Variants in NBAS observed in about 807,000 individuals in gnomAD.
NBAS encodes the protein NBAS subunit of NRZ tethering complex.
In NBAS, 219 loss-of-function variants were observed where a neutral mutation model predicts 302.5. The observed-to-expected ratio is 0.72, with a 90% CI of 0.65 to 0.81. NBAS has a LOEUF of 0.81. NBAS is among the 30% of genes least tolerant of loss of function. The probability of loss-of-function intolerance (pLI) is 0.00; values close to 1 mark genes in which losing one functional copy is unlikely to be tolerated. For missense variants in NBAS, 2,932 were observed against 2,841.6 expected (o/e 1.03, Z -0.72); for synonymous variants, 1,118 against 1,021.6 (o/e 1.09, Z -1.80).
intron 38 of NBAS, among the ~76,000 whole-genome samples, chr2:15,317,978 A>G (rs1157407590): frequency 6.6e-6 from 1 of 152,222 alleles, no homozygotes; most frequent in African/African-American, 2.4e-5. Flanking sequence ...AAAGGAAAAA[A>G]TGTTAAGGGC....
At chr2:15,248,080 G>T (rs562716543) in intron 44 of NBAS, among the ~76,000 whole-genome samples, 36 of 152,134 alleles carry the variant, frequency 2.4e-4, no homozygotes, top group Non-Finnish European at 3.2e-4. Context: ...AAATGCAAAA[G>T]AATGGAAATC....
chr2:14,809,313 A>G, the NBAS span, among the ~76,000 whole-genome samples: 77 of 152,278 alleles, frequency 5.1e-4, 1 homozygote, highest in African/African-American at 1.7e-3. Flanking sequence ...GACTGGAGAC[A>G]TAGAAGGAAA....
At chr2:15,534,745 A>C in intron 8 of NBAS, 104 bp from the exon 9 acceptor site, 2 of 896,314 alleles carry the variant, frequency 2.2e-6, no homozygotes, top group South Asian at 1.3e-5. Flanking sequence ...ACAATACCAA[A>C]TATTGCTGAG....
the NBAS span, among the ~76,000 whole-genome samples, chr2:14,808,573 C>T: frequency 1.3e-5 from 2 of 152,214 alleles, no homozygotes; most frequent in Admixed American, 1.3e-4. Flanking sequence ...GTGACTTACT[C>T]CTCCTTGCCT....
In NBAS at chr2:15,561,297, G is replaced by T. The variant is rs202150793; in HGVS notation, c.8C>A (p.Ala3Asp). 442 of 1,612,798 alleles carry T rather than the reference G, an allele frequency of 2.7e-4. 1 individual carries two copies. The highest frequency in any genetic ancestry group is 3.3e-4 in the Non-Finnish European group (386 of 1,179,982). Residue 3 changes from alanine (A) to aspartate (D), a missense_variant, in exon 1 of 52, where the codon GCC (alanine) becomes GAC (aspartate). By Grantham distance (126) the Ala-to-Asp change is moderately radical. Transcript: ENST00000281513. ...ACTCAAAGCCGGCCCTGACTCGGGG[G>T]CCGCCATGTTCGCCGAGGACTCAGG... MA[A>D]PESGPALSPG...
intron 28 of NBAS, among the ~76,000 whole-genome samples, chr2:15,392,264 T>C (rs1302959153): frequency 2.0e-5 from 3 of 150,132 alleles, no homozygotes; most frequent in Non-Finnish European, 3.0e-5. Context: ...AAAAAAAGCT[T>C]GGAGAGGAGA....
chr2:15,457,659 A>G (rs1679311076), intron 21 of NBAS, among the ~76,000 whole-genome samples: 1 of 152,210 alleles, frequency 6.6e-6, no homozygotes, highest in South Asian at 2.1e-4. Context: ...AGTTCCATGC[A>G]CGTTCGAGGT....
At chr2:15,327,038 G>A (rs1430588335) in intron 38 of NBAS, among the ~76,000 whole-genome samples, 3 of 152,042 alleles carry the variant, frequency 2.0e-5, no homozygotes, top group Non-Finnish European at 4.4e-5. Flanking sequence ...AGTTAGAGGT[G>A]GCCAGTAATA....
chr2:14,879,687 T>G, the NBAS span, among the ~76,000 whole-genome samples: 1 of 152,160 alleles, frequency 6.6e-6, no homozygotes, highest in Non-Finnish European at 1.5e-5. Context: ...ACACAGCTTA[T>G]AGCATGCCTA....
the NBAS span, among the ~76,000 whole-genome samples, chr2:14,900,980 C>A: frequency 6.6e-6 from 1 of 152,164 alleles, no homozygotes; most frequent in Non-Finnish European, 1.5e-5. Flanking sequence ...GTGGCTGATA[C>A]TTGAGGTCCA....
intron 18 of NBAS, 118 bp from the exon 19 acceptor site, chr2:15,467,525 G>C (rs1157977671): frequency 7.8e-6 from 10 of 1,279,686 alleles, no homozygotes; most frequent in Admixed American, 7.3e-5. Context: ...GTTCAGAAAA[G>C]CACAAGGGTA....
At chr2:14,791,235 C>T in the NBAS span, among the ~76,000 whole-genome samples, 8 of 152,156 alleles carry the variant, frequency 5.3e-5, no homozygotes, top group African/African-American at 1.9e-4. Context: ...AGGTGATCCA[C>T]CTGCCTCAGC....
At chr2:15,393,300 T>A (rs1409828519) in intron 28 of NBAS, among the ~76,000 whole-genome samples, 1 of 151,976 alleles carries the variant, frequency 6.6e-6, no homozygotes, top group Non-Finnish European at 1.5e-5. Flanking sequence ...GCAAAGCATA[T>A]ATCTAATAAA....
the NBAS span, among the ~76,000 whole-genome samples, chr2:15,131,317 A>G: frequency 1.3e-5 from 2 of 152,096 alleles, no homozygotes; most frequent in Admixed American, 1.3e-4. Flanking sequence ...GAACGAGACT[A>G]TATTGCTTTT....
intron 42 of NBAS, among the ~76,000 whole-genome samples, chr2:15,280,405 G>A (rs1669771088): frequency 6.6e-6 from 1 of 152,036 alleles, no homozygotes; most frequent in Non-Finnish European, 1.5e-5. Flanking sequence ...GGGAGAGGGG[G>A]AAGAGAGAAT....
chr2:15,266,328 C>T lies in NBAS; in HGVS notation c.5724+9156G>A, dbSNP rs570488877. 4.3e-3 allele frequency among the ~76,000 whole-genome samples: 651 copies of T among 152,278 alleles called. 6 individuals are homozygous for T. Among genetic ancestry groups the T allele is most frequent in the South Asian group, 0.021 (102 of 4,826 alleles). On this transcript the variant is annotated intron_variant, in intron 44 of 51. Transcript: ENST00000281513. The stretch of plus-strand genomic sequence containing the variant: ...TTTTGAGAGCTCCTAAGTACGGCTA[C>T]AATTAAAAACTAAAAGAGGCACTCA...
intron 35 of NBAS, among the ~76,000 whole-genome samples, chr2:15,351,281 G>A (rs574259211): frequency 2.0e-5 from 3 of 152,210 alleles, no homozygotes; most frequent in Admixed American, 1.3e-4. Flanking sequence ...TGTATGGTAC[G>A]TATCGACATT....
intron 39 of NBAS, 35 bp downstream of exon 39, chr2:15,309,135 TC>T (rs1388904732): frequency 6.5e-7 from 1 of 1,545,124 alleles, no homozygotes; most frequent in Non-Finnish European, 8.9e-7. Flanking sequence ...TTCCATTTAG[TC>T]ATTTTAAATT....
the NBAS span, among the ~76,000 whole-genome samples, chr2:14,800,791 G>GTTTT: frequency 4.4e-5 from 6 of 137,928 alleles, no homozygotes; most frequent in Admixed American, 7.2e-5. Flanking sequence ...AATTGTTTTT[G>GTTTT]TTTTTTTTTT....
Sources: gnomAD v4.1 joint callset for allele counts (sites outside exome capture counted in the v4.1 genomes callset) on GRCh38, gnomAD v4.1.1 for gene constraint, MANE v1.5 for transcripts, NCBI Gene and HGNC (gene_info 2026-07-23, HGNC 2026-07-21) for gene names.